Variants in MAF observed in about 807,000 individuals in gnomAD.
MAF encodes the protein MAF bZIP transcription factor, also known as transcription factor Maf.
A neutral mutation model predicts 22.0 loss-of-function variants in MAF; 10 were observed. The ratio of observed to expected loss-of-function variants is 0.45; its 90% CI spans 0.28 to 0.77. MAF has a LOEUF of 0.77. Among genes scored for constraint, MAF ranks in the 30% least tolerant of loss-of-function variants. MAF has a pLI of 0.12. For missense variants in MAF, 544 were observed against 548.4 expected (o/e 0.99, Z 0.08); for synonymous variants, 337 against 255.8 (o/e 1.32, Z -3.03).
the MAF span, among the ~76,000 whole-genome samples, chr16:79,340,422 G>C: frequency 6.4e-4 from 96 of 150,990 alleles, no homozygotes; most frequent in Non-Finnish European, 1.2e-3. Flanking sequence ...CCTGGCATAA[G>C]AACATAGGTA....
chr16:79,392,722 G>A, the MAF span, among the ~76,000 whole-genome samples: 5 of 152,106 alleles, frequency 3.3e-5, no homozygotes, highest in African/African-American at 9.7e-5. Flanking sequence ...AGCCCACACC[G>A]CCATGCTGAG....
the MAF span, among the ~76,000 whole-genome samples, chr16:79,435,938 T>C: frequency 6.6e-6 from 1 of 152,208 alleles, no homozygotes; most frequent in South Asian, 2.1e-4. Flanking sequence ...GGAAAATTCA[T>C]TAGCAAGAAG....
the MAF span, among the ~76,000 whole-genome samples, chr16:79,434,583 G>C: frequency 0.48 from 72,623 of 151,578 alleles, 19,117 homozygotes; most frequent in Non-Finnish European, 0.59. Context: ...TTATGTTATA[G>C]ATTATGTTGT....
the MAF span, among the ~76,000 whole-genome samples, chr16:79,547,904 G>GAGAGAGAGAGAAAGAC: frequency 7.4e-6 from 1 of 134,992 alleles, no homozygotes; most frequent in Non-Finnish European, 1.6e-5. Flanking sequence ...GTGTGTGTGA[G>GAGAGAGAGAGAAAGAC]AGAGAGAGAG....
chr16:79,265,331 C>T, the MAF span, among the ~76,000 whole-genome samples: 2 of 152,120 alleles, frequency 1.3e-5, no homozygotes, highest in Non-Finnish European at 1.5e-5. Flanking sequence ...TCTGAATTCT[C>T]TTAGTGTTTT....
chr16:79,361,507 G>A, the MAF span, among the ~76,000 whole-genome samples: 2 of 152,112 alleles, frequency 1.3e-5, no homozygotes, highest in East Asian at 1.9e-4. Context: ...ACTTTCCCCC[G>A]GATTGAATGA....
the MAF span, among the ~76,000 whole-genome samples, chr16:79,321,681 C>T: frequency 3.0e-5 from 4 of 135,346 alleles, no homozygotes; most frequent in Admixed American, 1.6e-4. Context: ...GACGGAGTCT[C>T]GCTCTGTCAC....
At chr16:79,286,182 A>C in the MAF span, among the ~76,000 whole-genome samples, 1 of 152,258 alleles carries the variant, frequency 6.6e-6, no homozygotes, top group Non-Finnish European at 1.5e-5. Flanking sequence ...TACTTTTAAA[A>C]TACTTTTTAA....
chr16:79,377,742 A>T, the MAF span, among the ~76,000 whole-genome samples: 2 of 152,214 alleles, frequency 1.3e-5, no homozygotes, highest in South Asian at 2.1e-4. Flanking sequence ...AGCTTTCTAC[A>T]TATGGCTAGC....
At chr16:79,398,935 C>T in the MAF span, among the ~76,000 whole-genome samples, 1 of 152,192 alleles carries the variant, frequency 6.6e-6, no homozygotes, top group Non-Finnish European at 1.5e-5. Flanking sequence ...TGCCTTGCTC[C>T]ATTCTGATTG....
the MAF span, among the ~76,000 whole-genome samples, chr16:79,364,931 G>A: frequency 6.6e-6 from 1 of 152,160 alleles, no homozygotes; most frequent in African/African-American, 2.4e-5. Context: ...TTCAAGAGTT[G>A]GGCTGCATCA....
the MAF span, among the ~76,000 whole-genome samples, chr16:79,431,669 G>A: frequency 2.7e-3 from 418 of 152,240 alleles, 3 homozygotes; most frequent in African/African-American, 9.5e-3. Flanking sequence ...GCTAACCTGT[G>A]TTTTCCGACT....
the MAF span, among the ~76,000 whole-genome samples, chr16:79,467,129 T>C: frequency 1.3e-5 from 2 of 152,194 alleles, no homozygotes; most frequent in East Asian, 3.9e-4. Flanking sequence ...AGGATGCTGA[T>C]CAAACCCCTT....
chr16:79,572,757 T>C, the MAF span, among the ~76,000 whole-genome samples: 3 of 152,184 alleles, frequency 2.0e-5, no homozygotes, highest in African/African-American at 7.2e-5. Context: ...TTGGCTTGTG[T>C]CCGAGGCAAT....
chr16:79,246,973 CCAAA>C, the MAF span, among the ~76,000 whole-genome samples: 2 of 152,118 alleles, frequency 1.3e-5, no homozygotes, highest in Non-Finnish European at 2.9e-5. Context: ...GAGTAAACAA[CCAAA>C]CAAACAAAAA....
the MAF span, among the ~76,000 whole-genome samples, chr16:79,435,793 A>G: frequency 6.6e-6 from 1 of 152,174 alleles, no homozygotes; most frequent in African/African-American, 2.4e-5. Flanking sequence ...GTCCATGTAG[A>G]TTCCATACTT....
In MAF at chr16:79,599,288, G is replaced by T; in HGVS notation, c.615C>A (p.Ser205Arg). ...CAGCGCCACCGGCCGAGGCGGCCGC[G>T]CTGCCCGCGGCGCCGGGCGCGCCGG... ...PTAGAPGAAG[S>R]AAASAGGAGG... The change falls in exon 1 of 2, where the codon AGC (serine) becomes AGA (arginine). Residue 205 changes from serine to arginine, a missense_variant. By Grantham distance (110) the Ser-to-Arg change is moderately radical (BLOSUM62 -1). Around this residue, in one of 5 missense-constraint regions of MAF, gnomAD observed 342 missense variants for 315.5 expected, o/e 1.08. Coordinates refer to ENST00000326043, the MANE Select transcript of MAF (RefSeq NM_005360.5). 1 of 979,512 alleles carries T rather than the reference G, an allele frequency of 1.0e-6. No homozygotes were observed. The highest frequency in any genetic ancestry group is 1.2e-6 in the Non-Finnish European group (1 of 827,828). The allele number at this position is 979,512 out of a possible 1,614,324, so 60.7% of individuals were successfully genotyped here. A position where few individuals can be genotyped will look rare whatever the true frequency, so the allele number is the denominator to read the frequency against.
chr16:79,415,007 G>C, the MAF span, among the ~76,000 whole-genome samples: 52 of 152,310 alleles, frequency 3.4e-4, no homozygotes, highest in African/African-American at 1.2e-3. Flanking sequence ...TCCATCCAGA[G>C]TTGACATGTT....
chr16:79,585,945 A>T (rs1423006297), intron 1 of MAF: 3 of 679,424 alleles, frequency 4.4e-6, no homozygotes, highest in Middle Eastern at 2.4e-4. Flanking sequence ...TGGGTACCTG[A>T]TTTAGTAAAT....
Sources: allele counts gnomAD v4.1 joint callset (sites outside exome capture counted in the v4.1 genomes callset), GRCh38; gene constraint gnomAD v4.1.1; regional missense constraint gnomAD v4.1.1; transcripts MANE v1.5; gene names NCBI Gene and HGNC (gene_info 2026-07-23, HGNC 2026-07-21).